Variants in ALPK1 observed in about 807,000 individuals in gnomAD.
ALPK1 encodes the protein alpha-protein kinase 1.
In ALPK1, 110 loss-of-function variants were observed where a neutral mutation model predicts 120.6. That is an observed-to-expected ratio of 0.91 (90% CI 0.78 to 1.07). The LOEUF is 1.07. Among genes scored for constraint, ALPK1 ranks in the 50% least tolerant of loss-of-function variants. ALPK1 has a pLI of 0.00. For synonymous variants in ALPK1, 582 were observed against 560.3 expected (o/e 1.04, Z -0.55); for missense variants, 1,498 against 1,483.9 (o/e 1.01, Z -0.16).
At chr4:112,311,021 T>C (rs1728379687) in intron 1 of ALPK1, among the ~76,000 whole-genome samples, 1 of 152,168 alleles carries the variant, frequency 6.6e-6, no homozygotes, top group South Asian at 2.1e-4. Flanking sequence ...GAAAGGTGAC[T>C]TGCACAAGTT....
At position 112,321,099 on chromosome 4, in the gene ALPK1, G is replaced by A. The variant is rs185465042; in HGVS notation, c.-101+5247G>A. Among the ~76,000 whole-genome samples, 22 of 151,562 alleles carry A rather than the reference G, an allele frequency of 1.5e-4. No individual in the cohort carries two copies. In the East Asian group the frequency reaches 3.5e-3, roughly 24 times the overall value. On this transcript the variant is annotated intron_variant, in intron 2 of 15. Transcript: ENST00000650871. Reference sequence around the variant, plus strand: ...TTTTCAGTAGAAATGGGGTTTCACCGTGTTAGCCAGGATGGTCTCGATCTC... The same window carrying A: ...TTTTCAGTAGAAATGGGGTTTCACCATGTTAGCCAGGATGGTCTCGATCTC...
chr4:112,374,670 T>TGAATTTCTTCTAA (rs1227678097), intron 2 of ALPK1, among the ~76,000 whole-genome samples: 11 of 152,226 alleles, frequency 7.2e-5, no homozygotes, highest in Non-Finnish European at 1.6e-4. Context: ...GACTTAAAAG[T>TGAATTTCTTCTAA]TGAAATTACT....
At chr4:112,388,879 T>C (rs1040503939) in intron 4 of ALPK1, among the ~76,000 whole-genome samples, 1 of 152,176 alleles carries the variant, frequency 6.6e-6, no homozygotes, top group African/African-American at 2.4e-5. Context: ...CTATGTTCTT[T>C]AAGCTATGAC....
chr4:112,438,348 TA>T lies in ALPK1; in HGVS notation c.3189-134del. 4 of 758,504 alleles carry T rather than the reference TA, an allele frequency of 5.3e-6. No homozygotes were observed. In the South Asian group the frequency reaches 9.8e-5, roughly 19 times the overall value. 47.0% of individuals were successfully genotyped at this position (758,504 alleles called of 1,614,324 possible). ...ATTTGAATCTTGAGATAAGTCAAAA[TA>T]ATTAATATTCAGTCTAAGGCAGAGA... On this transcript the variant is annotated intron_variant, in intron 12 of 15. Transcript: ENST00000650871.
Position 112,348,898 on chromosome 4 carries a change from G to A in ALPK1, c.-100-28780G>A, listed in dbSNP as rs567535630. On this transcript the variant is annotated intron_variant, in intron 2 of 15. Coordinates refer to ENST00000650871, the MANE Select transcript of ALPK1 (RefSeq NM_025144.4). The stretch of plus-strand genomic sequence containing the variant: ...TGTCTCGGAGCAAAGGAGAAGATGA[G>A]GGGCTGTGGGTGTTTCTGTCTGATC... 3.3e-5 allele frequency among the ~76,000 whole-genome samples: 5 copies of A among 152,302 alleles called. No homozygotes were observed. The South Asian group carries it at 8.3e-4, about 25-fold the overall frequency.
At chr4:112,390,603 A>G (rs879693565) in intron 4 of ALPK1, among the ~76,000 whole-genome samples, 2 of 152,116 alleles carry the variant, frequency 1.3e-5, no homozygotes, top group Non-Finnish European at 1.5e-5. Flanking sequence ...TGGATGATGG[A>G]TGGATGGGTG....
At chr4:112,433,357 CT>C (rs1412740642) in intron 11 of ALPK1, among the ~76,000 whole-genome samples, 1 of 152,160 alleles carries the variant, frequency 6.6e-6, no homozygotes, top group Non-Finnish European at 1.5e-5. Flanking sequence ...TCTGGGATCT[CT>C]TTTATGAGGG....
intron 9 of ALPK1, among the ~76,000 whole-genome samples, chr4:112,428,547 C>T (rs1192187302): frequency 2.0e-5 from 3 of 152,178 alleles, no homozygotes; most frequent in African/African-American, 7.2e-5. Context: ...GAAGTTATCC[C>T]TGATGACCGT....
Position 112,431,775 on chromosome 4 carries a change from C to T in ALPK1, c.2228C>T (p.Ala743Val), listed in dbSNP as rs763635594. 1 of 1,614,174 alleles carries T rather than the reference C, an allele frequency of 6.2e-7. No homozygotes were observed. Among genetic ancestry groups the T allele is most frequent in the South Asian group, 1.1e-5 (1 of 91,092 alleles). ...GTHPSVQKEE[A>V]FEIIVEFPET... ...CATCCTTCAGTCCAAAAAGAAGAAG[C>T]CTTTGAAATAATTGTTGAGTTTCCA... is the stretch of plus-strand genomic sequence containing the variant. Residue 743 changes from alanine (A) to valine (V), a missense_variant, in exon 11 of 16, where the codon GCC becomes GTC. Ala to Val is a moderately conservative substitution (Grantham distance 64, BLOSUM62 0). Transcript: ENST00000650871.
At chr4:112,417,053 G>A (rs988072162) in intron 5 of ALPK1, among the ~76,000 whole-genome samples, 2 of 152,070 alleles carry the variant, frequency 1.3e-5, no homozygotes, top group Non-Finnish European at 2.9e-5. Flanking sequence ...CAGAAAGCAA[G>A]AGAATCTCCA....
intron 2 of ALPK1, among the ~76,000 whole-genome samples, chr4:112,361,748 G>C (rs770180273): frequency 2.6e-5 from 4 of 152,228 alleles, no homozygotes; most frequent in Non-Finnish European, 4.4e-5. Context: ...ATGCACTCTT[G>C]AAAGTGCCAC....
chr4:112,361,790 G>A (rs1291827356), intron 2 of ALPK1, among the ~76,000 whole-genome samples: 4 of 152,138 alleles, frequency 2.6e-5, no homozygotes, highest in Admixed American at 6.6e-5. Flanking sequence ...ACACAAAACC[G>A]GTGCACTAAA....
intron 2 of ALPK1, among the ~76,000 whole-genome samples, chr4:112,318,119 T>C (rs572894837): frequency 1.3e-5 from 2 of 152,338 alleles, no homozygotes; most frequent in African/African-American, 4.8e-5. Flanking sequence ...AAGACCTTTT[T>C]AAAGTATATA....
At chr4:112,409,260 A>G (rs1184316267) in intron 4 of ALPK1, among the ~76,000 whole-genome samples, 1 of 152,128 alleles carries the variant, frequency 6.6e-6, no homozygotes, top group East Asian at 1.9e-4. Context: ...AGCAAAATAC[A>G]CAGCTACCTC....
At chr4:112,358,559 C>A in intron 2 of ALPK1, 1 of 701,010 alleles carries the variant, frequency 1.4e-6, no homozygotes, top group South Asian at 1.5e-5. Flanking sequence ...TGAGCAGGAG[C>A]CAGACCCTGC....
In ALPK1 at chr4:112,431,113, A is replaced by C; in HGVS notation, c.1566A>C (p.Leu522=). The change falls in exon 11 of 16, where the codon CTA becomes CTC. Residue 522 remains leucine (L), a synonymous_variant. Transcript: ENST00000650871. ...GAGACACAGGAATATCTTCCTCCCTAATGGGTAAGAATGTTCAGAGGGAAC... is the reference window on the plus strand; with the variant it reads ...GAGACACAGGAATATCTTCCTCCCTCATGGGTAAGAATGTTCAGAGGGAAC... ...CQRDTGISSS[L]MGKNVQRELR... 1 of 1,614,188 alleles carries C rather than the reference A, an allele frequency of 6.2e-7. No homozygotes were observed. The highest frequency in any genetic ancestry group is 1.1e-5 in the South Asian group (1 of 91,084).
intron 8 of ALPK1, among the ~76,000 whole-genome samples, chr4:112,426,805 A>T (rs1298205277): frequency 1.3e-5 from 2 of 152,178 alleles, no homozygotes; most frequent in East Asian, 3.8e-4. Context: ...CTACTGGTCC[A>T]TTCATTTATC....
chr4:112,422,829 C>T (rs922564443), intron 5 of ALPK1, among the ~76,000 whole-genome samples: 2 of 147,394 alleles, frequency 1.4e-5, no homozygotes, highest in African/African-American at 2.4e-5. Context: ...CTCAGCTGTC[C>T]TCTGCATGGG....
At chr4:112,376,696 A>G (rs1383321596) in intron 2 of ALPK1, among the ~76,000 whole-genome samples, 1 of 152,228 alleles carries the variant, frequency 6.6e-6, no homozygotes, top group Non-Finnish European at 1.5e-5. Flanking sequence ...TGCATGCATA[A>G]GCTCAGAGAC....
Sources: allele counts gnomAD v4.1 joint callset (sites outside exome capture counted in the v4.1 genomes callset), GRCh38; gene constraint gnomAD v4.1.1; transcripts MANE v1.5; gene names NCBI Gene and HGNC (gene_info 2026-07-23, HGNC 2026-07-21).